The following PTPRD variants were observed in gnomAD, a reference collection of about 807,000 sequenced individuals.
PTPRD encodes the protein protein tyrosine phosphatase receptor type D.
In PTPRD, 34 loss-of-function variants were observed where a neutral mutation model predicts 214.5. That is an observed-to-expected ratio of 0.16 (90% CI 0.12 to 0.21). The LOEUF (loss-of-function observed/expected upper bound fraction) is 0.21, where lower values mean the gene tolerates loss of function less well. Ranked by LOEUF, PTPRD falls within the 10% of genes least tolerant of loss-of-function variation. The probability of loss-of-function intolerance (pLI) is 1.00; values close to 1 mark genes in which losing one functional copy is unlikely to be tolerated. For missense variants in PTPRD, 2,545 were observed against 2,398.7 expected (o/e 1.06, Z -1.27); for synonymous variants, 1,128 against 845.7 (o/e 1.33, Z -5.79).
chr9:8,557,779 TACACACACACACAC>T (rs373363751), intron 14 of PTPRD, among the ~76,000 whole-genome samples: 13 of 103,900 alleles, frequency 1.3e-4, no homozygotes, highest in African/African-American at 3.6e-4. Flanking sequence ...AAAAACAAAA[TACACACACACACAC>T]ACACACACAC....
chr9:9,634,746 G>A (rs10816150), intron 7 of PTPRD, among the ~76,000 whole-genome samples: 25,772 of 152,012 alleles, frequency 0.17, 2,484 homozygotes, highest in African/African-American at 0.25. Flanking sequence ...TGCATACTAC[G>A]TATATATTTT....
intron 11 of PTPRD, among the ~76,000 whole-genome samples, chr9:8,994,423 T>C (rs1229129930): frequency 6.6e-6 from 1 of 152,184 alleles, no homozygotes; most frequent in Non-Finnish European, 1.5e-5. Context: ...AGGTTTCTTT[T>C]ATTTGGTTTC....
chr9:8,938,076 A>C (rs966693487), intron 11 of PTPRD, among the ~76,000 whole-genome samples: 2 of 152,190 alleles, frequency 1.3e-5, no homozygotes, highest in African/African-American at 4.8e-5. Context: ...AACAATTTTA[A>C]TAACATGAAG....
At chr9:10,320,327 A>G (rs1304488151) in intron 3 of PTPRD, among the ~76,000 whole-genome samples, 1 of 152,080 alleles carries the variant, frequency 6.6e-6, no homozygotes, top group Non-Finnish European at 1.5e-5. Context: ...AAAGCTGACT[A>G]CATAAGCTTG....
intron 10 of PTPRD, among the ~76,000 whole-genome samples, chr9:9,064,972 A>G (rs1416527559): frequency 1.1e-4 from 16 of 152,204 alleles, no homozygotes; most frequent in Admixed American, 1.0e-3. Context: ...CCTCTGAACA[A>G]TCAGTCTCAA....
At chr9:9,085,059 T>C (rs1484143714) in intron 10 of PTPRD, among the ~76,000 whole-genome samples, 2 of 152,174 alleles carry the variant, frequency 1.3e-5, no homozygotes, top group African/African-American at 2.4e-5. Flanking sequence ...TTATAATGTA[T>C]GATTCTGTAA....
intron 7 of PTPRD, among the ~76,000 whole-genome samples, chr9:9,693,734 C>T (rs1198015649): frequency 1.3e-5 from 2 of 152,020 alleles, no homozygotes; most frequent in Non-Finnish European, 2.9e-5. Flanking sequence ...TTAGACTTAC[C>T]CTTTTGAGGA....
At chr9:9,879,880 A>C (rs1008601440) in intron 5 of PTPRD, among the ~76,000 whole-genome samples, 1 of 152,204 alleles carries the variant, frequency 6.6e-6, no homozygotes, top group African/African-American at 2.4e-5. Flanking sequence ...AATCACTGCC[A>C]GTTGGGTCAG....
At chr9:8,354,913 G>C (rs186092970) in intron 39 of PTPRD, among the ~76,000 whole-genome samples, 101 of 152,284 alleles carry the variant, frequency 6.6e-4, no homozygotes, top group African/African-American at 2.3e-3. Context: ...TGAAACATTA[G>C]CTCTCCCACT....
intron 4 of PTPRD, among the ~76,000 whole-genome samples, chr9:10,007,069 G>A (rs1180304406): frequency 1.3e-5 from 2 of 151,794 alleles, no homozygotes; most frequent in Non-Finnish European, 2.9e-5. Context: ...CCACTCTAAG[G>A]CAGAAGTGTT....
At chr9:10,468,823 G>A (rs1037327049) in intron 2 of PTPRD, among the ~76,000 whole-genome samples, 1 of 151,884 alleles carries the variant, frequency 6.6e-6, no homozygotes, top group Non-Finnish European at 1.5e-5. Flanking sequence ...AGGCAAAAAT[G>A]GTGGAATATT....
At chr9:9,533,725 A>C (rs1011624446) in intron 8 of PTPRD, among the ~76,000 whole-genome samples, 3 of 152,028 alleles carry the variant, frequency 2.0e-5, no homozygotes, top group Admixed American at 6.6e-5. Flanking sequence ...TCTCTCAGTC[A>C]CTAATAATAT....
At chr9:8,453,869 T>A (rs963618924) in intron 33 of PTPRD, among the ~76,000 whole-genome samples, 1 of 152,196 alleles carries the variant, frequency 6.6e-6, no homozygotes, top group African/African-American at 2.4e-5. Flanking sequence ...TGGAAACCAC[T>A]GGAATATGGC....
intron 9 of PTPRD, among the ~76,000 whole-genome samples, chr9:9,344,884 C>T (rs1180498612): frequency 6.6e-6 from 1 of 151,860 alleles, no homozygotes; most frequent in African/African-American, 2.4e-5. Context: ...TATAATTATT[C>T]TATCAATAAG....
intron 2 of PTPRD, among the ~76,000 whole-genome samples, chr9:10,396,006 A>G (rs1002659966): frequency 6.6e-6 from 1 of 151,382 alleles, no homozygotes; most frequent in Admixed American, 6.6e-5. Context: ...CGAGAGACAG[A>G]AGGAGAAAGG....
intron 10 of PTPRD, among the ~76,000 whole-genome samples, chr9:9,180,214 T>G (rs1040511884): frequency 1.3e-5 from 2 of 151,382 alleles, no homozygotes; most frequent in Non-Finnish European, 2.9e-5. Context: ...CCAACAATGA[T>G]AGACTGGATT....
At chr9:9,626,225 G>A (rs147097365) in intron 7 of PTPRD, among the ~76,000 whole-genome samples, 7 of 152,228 alleles carry the variant, frequency 4.6e-5, no homozygotes, top group African/African-American at 1.2e-4. Flanking sequence ...TTCCTTTCAC[G>A]TAACTCAGAA....
chr9:9,850,160 T>C (rs2060269358), intron 5 of PTPRD, among the ~76,000 whole-genome samples: 1 of 152,158 alleles, frequency 6.6e-6, no homozygotes, highest in South Asian at 2.1e-4. Context: ...GAAAGGTATT[T>C]ATTTCTTCAA....
At chr9:9,541,188 C>G (rs1157915903) in intron 8 of PTPRD, among the ~76,000 whole-genome samples, 2 of 151,648 alleles carry the variant, frequency 1.3e-5, no homozygotes, top group Admixed American at 6.6e-5. Context: ...GAACTTTGGT[C>G]CAGGCAAAGT....
Sources: allele counts gnomAD v4.1 joint callset (sites outside exome capture counted in the v4.1 genomes callset), GRCh38; gene constraint gnomAD v4.1.1; transcripts MANE v1.5; gene names NCBI Gene and HGNC (gene_info 2026-07-23, HGNC 2026-07-21).